PRKN: variants seen among roughly 807,000 people sequenced by gnomAD.
The protein encoded by PRKN is parkin RBR E3 ubiquitin protein ligase.
A neutral mutation model predicts 59.5 loss-of-function variants in PRKN; 56 were observed. That is an observed-to-expected ratio of 0.94 (90% CI 0.76 to 1.18). PRKN has a LOEUF of 1.18. Ranked by LOEUF, PRKN falls within the 50% of genes most tolerant of loss-of-function variation. The probability of loss-of-function intolerance (pLI) is 0.00; values close to 1 mark genes in which losing one functional copy is unlikely to be tolerated. For missense variants in PRKN, 657 were observed against 596.4 expected (o/e 1.10, Z -1.06); for synonymous variants, 250 against 222.1 (o/e 1.13, Z -1.12).
chr6:161,582,943 G>T lies in PRKN; in HGVS notation c.872-13527C>A, dbSNP rs1781393842. Among the ~76,000 whole-genome samples, 1 of 145,034 alleles carries T rather than the reference G, an allele frequency of 6.9e-6. No homozygotes were observed. The highest frequency in any genetic ancestry group is 1.5e-5 in the Non-Finnish European group (1 of 66,934). ...TGTGCCAGTGACTAAATTCCAACCAGCATCTTTCCAGTGAGATGGCCTATT... is the reference window on the plus strand; with the variant it reads ...TGTGCCAGTGACTAAATTCCAACCATCATCTTTCCAGTGAGATGGCCTATT... On this transcript the variant is annotated intron_variant, in intron 7 of 11. Transcript: ENST00000366898. The surrounding 1 kb of genome is among the most constrained non-coding windows in gnomAD (Gnocchi z 4.4).
Position 161,499,607 on chromosome 6 carries a change from T to G in PRKN, c.1083+49247A>C, listed in dbSNP as rs994781182. On this transcript the variant is annotated intron_variant, in intron 9 of 11. Transcript: ENST00000366898. The surrounding 1 kb of genome is among the most constrained non-coding windows in gnomAD (Gnocchi z 4.2). ...CCACCTGGATCCAAGTTAGCTGAGT[T>G]GCTCGTGAAAAATGCAGATTGCAGG... Among the ~76,000 whole-genome samples, 1 of 152,198 alleles carries G rather than the reference T, an allele frequency of 6.6e-6. No individual in the cohort carries two copies. The highest frequency in any genetic ancestry group is 2.4e-5 in the African/African-American group (1 of 41,456).
chr6:161,637,835 G>A (rs1028495308), intron 7 of PRKN, among the ~76,000 whole-genome samples: 4 of 152,178 alleles, frequency 2.6e-5, no homozygotes. Context: ...TTGACCTAGA[G>A]GCAAAATTTG....
intron 7 of PRKN, among the ~76,000 whole-genome samples, chr6:161,774,388 AC>A: frequency 2.9e-5 from 1 of 33,966 alleles, no homozygotes; most frequent in East Asian, 1.2e-3. Flanking sequence ...CTGAGCACAC[AC>A]ACACACACAC....
chr6:162,428,744 G>A (rs147874084), intron 2 of PRKN, among the ~76,000 whole-genome samples: 9 of 152,180 alleles, frequency 5.9e-5, no homozygotes, highest in Non-Finnish European at 1.3e-4. Flanking sequence ...GTACCCTAGC[G>A]AAGCCCCATG....
intron 4 of PRKN, among the ~76,000 whole-genome samples, chr6:162,171,523 T>C (rs1783276034): frequency 6.6e-6 from 1 of 151,932 alleles, no homozygotes; most frequent in Non-Finnish European, 1.5e-5. Context: ...ACAGTAAGAG[T>C]TGAAGGATTC....
chr6:162,292,768 G>A (rs1006632725), intron 2 of PRKN, among the ~76,000 whole-genome samples: 1 of 152,142 alleles, frequency 6.6e-6, no homozygotes, highest in Non-Finnish European at 1.5e-5. Flanking sequence ...TGATGGAGAT[G>A]GGGAGGGGGA....
chr6:161,565,453 A>G (rs1426492285), intron 8 of PRKN, among the ~76,000 whole-genome samples: 1 of 152,092 alleles, frequency 6.6e-6, no homozygotes, highest in African/African-American at 2.4e-5. Flanking sequence ...GGGCGGGACC[A>G]AGGGTGGAAG....
intron 7 of PRKN, among the ~76,000 whole-genome samples, chr6:161,703,753 T>C (rs892998478): frequency 1.3e-5 from 2 of 151,248 alleles, no homozygotes. Flanking sequence ...TAAAGTCCTA[T>C]TTACATAATT....
chr6:162,629,528 A>G lies in PRKN; in HGVS notation c.7+98134T>C, dbSNP rs1011400882. On this transcript the variant is annotated intron_variant, in intron 1 of 11. Coordinates refer to ENST00000366898, the MANE Select transcript of PRKN (RefSeq NM_004562.3). ...GAATACACAACATATATATATTTAA[A>G]GGAATGATGCTTTACATTTAAATTA... Among the ~76,000 whole-genome samples the G allele has an allele frequency of 3.3e-5, 5 of 152,298 alleles. 1 individual carries two copies. The East Asian group carries it at 9.6e-4, about 29-fold the overall frequency.
intron 5 of PRKN, among the ~76,000 whole-genome samples, chr6:162,029,074 C>A (rs1783543613): frequency 6.6e-6 from 1 of 152,150 alleles, no homozygotes; most frequent in South Asian, 2.1e-4. Context: ...TGCCCAAATA[C>A]AATCAGAACT....
Position 161,359,026 on chromosome 6 carries a change from C to T in PRKN, c.1285+1062G>A, listed in dbSNP as rs1784875664. On this transcript the variant is annotated intron_variant, in intron 11 of 11. Transcript: ENST00000366898. The surrounding 1 kb of genome is among the most constrained non-coding windows in gnomAD (Gnocchi z 5.4). Reference sequence around the variant, plus strand: ...AGCCAGGATGGTCTCGACCTCCTGACCTTGTGATCCACCCGCCTCCGCCTC... The same window carrying T: ...AGCCAGGATGGTCTCGACCTCCTGATCTTGTGATCCACCCGCCTCCGCCTC... Among the ~76,000 whole-genome samples, 2 of 151,874 alleles carry T rather than the reference C, an allele frequency of 1.3e-5. No individual in the cohort carries two copies. The highest frequency in any genetic ancestry group is 2.9e-5 in the Non-Finnish European group (2 of 67,970).
chr6:162,319,314 A>G (rs1456508372), intron 2 of PRKN, among the ~76,000 whole-genome samples: 1 of 152,042 alleles, frequency 6.6e-6, no homozygotes, highest in African/African-American at 2.4e-5. Flanking sequence ...CATCTGTAAT[A>G]TTAATACACA....
chr6:162,023,464 G>C (rs1253655797), intron 5 of PRKN, among the ~76,000 whole-genome samples: 1 of 152,070 alleles, frequency 6.6e-6, no homozygotes, highest in Non-Finnish European at 1.5e-5. Context: ...GGCTGCTTCG[G>C]GGCCAGGGCT....
intron 1 of PRKN, among the ~76,000 whole-genome samples, chr6:162,696,792 T>C (rs1462138310): frequency 6.6e-6 from 1 of 151,938 alleles, no homozygotes; most frequent in Non-Finnish European, 1.5e-5. Context: ...GGGATCCATC[T>C]ACCTCGGCCT....
chr6:161,494,786 C>T (rs1777682169), intron 9 of PRKN, among the ~76,000 whole-genome samples: 1 of 152,212 alleles, frequency 6.6e-6, no homozygotes, highest in Admixed American at 6.5e-5. Context: ...GGCTGAGGTG[C>T]ATCTGATGAA....
intron 1 of PRKN, among the ~76,000 whole-genome samples, chr6:162,524,360 G>A (rs1233234031): frequency 6.6e-6 from 1 of 152,056 alleles, no homozygotes; most frequent in East Asian, 1.9e-4. Flanking sequence ...TCATTTGGAG[G>A]AGTCATTTTA....
At chr6:161,528,979 C>A (rs1779107148) in intron 9 of PRKN, among the ~76,000 whole-genome samples, 1 of 152,168 alleles carries the variant, frequency 6.6e-6, no homozygotes, top group Admixed American at 6.5e-5. Flanking sequence ...GCTTAGAAGG[C>A]AGGAATCCTG....
Position 161,480,172 on chromosome 6 carries a change from C to T in PRKN, c.1083+68682G>A, listed in dbSNP as rs1387128606. Among the ~76,000 whole-genome samples the T allele has an allele frequency of 2.0e-5, 3 of 152,284 alleles. No homozygotes were observed. The highest frequency in any genetic ancestry group is 6.5e-5 in the Admixed American group (1 of 15,304). ...TTTGGAGTATTTATTATCACTGCAG[C>T]GTTTCCTATCTGATCATGACTATAT... On this transcript the variant is annotated intron_variant, in intron 9 of 11. Transcript: ENST00000366898. The surrounding 1 kb of genome is among the most constrained non-coding windows in gnomAD (Gnocchi z 4.1).
At chr6:162,005,004 G>T (rs1275107448) in intron 5 of PRKN, among the ~76,000 whole-genome samples, 18 of 152,176 alleles carry the variant, frequency 1.2e-4, no homozygotes, top group Admixed American at 1.2e-3. Flanking sequence ...TGTCTGTAGG[G>T]ACACAAAGGA....
Sources: allele counts gnomAD v4.1 joint callset (sites outside exome capture counted in the v4.1 genomes callset), GRCh38; gene constraint gnomAD v4.1.1; non-coding constraint Gnocchi (gnomAD v3.1); transcripts MANE v1.5; gene names NCBI Gene and HGNC (gene_info 2026-07-23, HGNC 2026-07-21).